Variants in SNX27 observed in about 807,000 individuals in gnomAD.
The protein encoded by SNX27 is sorting nexin 27.
Under a neutral mutation model 71.6 loss-of-function variants are expected in SNX27, and 22 were observed. The ratio of observed to expected loss-of-function variants is 0.31; its 90% CI spans 0.22 to 0.44. The LOEUF is 0.44. Ranked by LOEUF, SNX27 falls within the 20% of genes least tolerant of loss-of-function variation. The pLI is 1.00. For synonymous variants in SNX27, 269 were observed against 277.2 expected (o/e 0.97, Z 0.29); for missense variants, 531 against 698.6 (o/e 0.76, Z 2.70).
At chr1:151,617,296 G>T (rs1371241130) in intron 1 of SNX27, among the ~76,000 whole-genome samples, 1 of 146,752 alleles carries the variant, frequency 6.8e-6, no homozygotes, top group Non-Finnish European at 1.5e-5. Context: ...TATTTATTTA[G>T]AGACAGCGTT....
chr1:151,653,496 GGGT>G (rs1448178550), intron 2 of SNX27, among the ~76,000 whole-genome samples: 17 of 152,038 alleles, frequency 1.1e-4, no homozygotes, highest in Non-Finnish European at 2.4e-4. Flanking sequence ...GTGAGGGCTG[GGGT>G]TCTGAAGGTT....
At chr1:151,670,147 T>G (rs778077732) in intron 7 of SNX27, among the ~76,000 whole-genome samples, 1 of 152,242 alleles carries the variant, frequency 6.6e-6, no homozygotes, top group Non-Finnish European at 1.5e-5. Context: ...CATGTGATGT[T>G]TGTCTTTCTG....
At chr1:151,668,767 T>A in intron 7 of SNX27, 132 bp downstream of exon 7, 1 of 656,744 alleles carries the variant, frequency 1.5e-6, no homozygotes, top group Non-Finnish European at 2.4e-6. Context: ...TGTAAAATGT[T>A]CTATCCCATT....
Position 151,694,699 on chromosome 1 carries a change from C to T in SNX27, c.*282C>T. ...GCCAAAGGTATCTTTGTCCTTTCACCTGGGCCTCATACCAACAGCCTCTCC... is the reference window on the plus strand; with the variant it reads ...GCCAAAGGTATCTTTGTCCTTTCACTTGGGCCTCATACCAACAGCCTCTCC... On this transcript the variant is annotated 3_prime_UTR_variant, in exon 12 of 12. Coordinates refer to ENST00000458013, the MANE Select transcript of SNX27 (RefSeq NM_001330723.2). 1 of 356,754 alleles carries T rather than the reference C, an allele frequency of 2.8e-6. No individual in the cohort carries two copies. Among genetic ancestry groups the T allele is most frequent in the Non-Finnish European group, 5.1e-6 (1 of 197,436 alleles). The allele number at this position is 356,754 out of a possible 1,614,324, so 22.1% of individuals were successfully genotyped here.
At chr1:151,663,434 G>A (rs767281611) in intron 5 of SNX27, among the ~76,000 whole-genome samples, 2 of 152,018 alleles carry the variant, frequency 1.3e-5, no homozygotes, top group African/African-American at 2.4e-5. Flanking sequence ...ACAGGCATGA[G>A]CCACCACCCC....
chr1:151,617,511 C>T (rs1032339225), intron 1 of SNX27, among the ~76,000 whole-genome samples: 2 of 152,110 alleles, frequency 1.3e-5, no homozygotes, highest in African/African-American at 4.8e-5. Context: ...CTCAAACTCC[C>T]CACCTCAGGT....
At chr1:151,618,686 C>G (rs1571753389) in intron 1 of SNX27, among the ~76,000 whole-genome samples, 1 of 152,260 alleles carries the variant, frequency 6.6e-6, no homozygotes, top group East Asian at 1.9e-4. Context: ...ACTTAATTGA[C>G]AAGCAGACAC....
At chr1:151,643,358 G>A (rs1467673637) in intron 2 of SNX27, among the ~76,000 whole-genome samples, 2 of 151,754 alleles carry the variant, frequency 1.3e-5, no homozygotes, top group East Asian at 1.9e-4. Context: ...GCAGTGGTGC[G>A]ATCTCGGCTC....
At chr1:151,652,444 T>C (rs1306997657) in intron 2 of SNX27, among the ~76,000 whole-genome samples, 1 of 147,836 alleles carries the variant, frequency 6.8e-6, no homozygotes, top group Non-Finnish European at 1.5e-5. Flanking sequence ...AGCCTTGCTC[T>C]GTCACCTAGG....
chr1:151,631,461 A>G (rs78151854), intron 1 of SNX27, among the ~76,000 whole-genome samples: 3,516 of 152,234 alleles, frequency 0.023, 130 homozygotes, highest in African/African-American at 0.079. Flanking sequence ...AATGTGCCTT[A>G]TGGGCTAAAA....
intron 7 of SNX27, among the ~76,000 whole-genome samples, chr1:151,682,406 C>G (rs946357979): frequency 3.6e-4 from 55 of 152,290 alleles, no homozygotes; most frequent in Non-Finnish European, 3.4e-4. Context: ...ACTGCAACCT[C>G]TGCCTCCTGG....
chr1:151,621,320 G>A (rs1294794485), intron 1 of SNX27, among the ~76,000 whole-genome samples: 2 of 152,176 alleles, frequency 1.3e-5, no homozygotes, highest in Non-Finnish European at 2.9e-5. Flanking sequence ...AATAGTTGAG[G>A]AAATGTGCCT....
At position 151,630,756 on chromosome 1, in the gene SNX27, G is replaced by A. The variant is rs868371781; in HGVS notation, c.312-8132G>A. 3.9e-5 allele frequency among the ~76,000 whole-genome samples: 6 copies of A among 152,238 alleles called. 1 individual carries two copies. In the Middle Eastern group the frequency reaches 0.014, roughly 345 times the overall value. ...TAGTCAGTAAGAATATTCTTCGGCC[G>A]GGCACGGTGGCTCACGCCTGTAATC... is the stretch of plus-strand genomic sequence containing the variant. On this transcript the variant is annotated intron_variant, in intron 1 of 11. Transcript: ENST00000458013.
Position 151,612,712 on chromosome 1 carries a change from C to T in SNX27, c.311+200C>T, listed in dbSNP as rs886474002. On this transcript the variant is annotated intron_variant, in intron 1 of 11. Coordinates refer to ENST00000458013, the MANE Select transcript of SNX27 (RefSeq NM_001330723.2). The surrounding 1 kb of genome is among the most constrained non-coding windows in gnomAD (Gnocchi z 5.2). ...ACCCGCCCCGGGGCTTCTGCGACGC[C>T]GGTCTCCCACCCCGTCGTCTCCAGC... Among the ~76,000 whole-genome samples, 2 of 152,110 alleles carry T rather than the reference C, an allele frequency of 1.3e-5. No individual in the cohort carries two copies. The highest frequency in any genetic ancestry group is 2.9e-5 in the Non-Finnish European group (2 of 68,004).
chr1:151,676,197 ACTTTTATGT>A (rs1670686786), intron 7 of SNX27: 1 of 146,838 alleles, frequency 6.8e-6, no homozygotes, highest in Non-Finnish European at 1.5e-5. Context: ...ATTTTGTTAA[ACTTTTATGT>A]CTTTGCCATT....
At chr1:151,653,827 G>GT (rs1361578533) in intron 2 of SNX27, among the ~76,000 whole-genome samples, 55 of 79,466 alleles carry the variant, frequency 6.9e-4, no homozygotes, top group East Asian at 1.1e-3. Flanking sequence ...AGCCTGGAGA[G>GT]TTTTTTTTGT....
chr1:151,617,921 T>G (rs1334660074), intron 1 of SNX27, among the ~76,000 whole-genome samples: 1 of 145,888 alleles, frequency 6.9e-6, no homozygotes, highest in Non-Finnish European at 1.5e-5. Flanking sequence ...GGAGTCTCAC[T>G]ATGTTGCCCA....
At chr1:151,693,905 G>A in intron 11 of SNX27, 1 of 1,379,900 alleles carries the variant, frequency 7.2e-7, no homozygotes, top group Non-Finnish European at 9.3e-7. Context: ...GAAGGTGTTT[G>A]CTGTTGCTTT....
At chr1:151,664,186 TATA>T (rs1386115933) in intron 5 of SNX27, among the ~76,000 whole-genome samples, 31 of 92,896 alleles carry the variant, frequency 3.3e-4, no homozygotes, top group South Asian at 6.2e-4. Flanking sequence ...TACTAAATAA[TATA>T]ATAATATACA....
Sources: allele counts gnomAD v4.1 joint callset (sites outside exome capture counted in the v4.1 genomes callset), GRCh38; gene constraint gnomAD v4.1.1; non-coding constraint Gnocchi (gnomAD v3.1); transcripts MANE v1.5; gene names NCBI Gene and HGNC (gene_info 2026-07-23, HGNC 2026-07-21).